The following SCNN1B variants were observed in gnomAD, a reference collection of about 807,000 sequenced individuals.
SCNN1B encodes epithelial sodium channel subunit beta.
SCNN1B carries 46 observed loss-of-function variants against 65.3 expected under a neutral mutation model. The observed-to-expected ratio is 0.70, with a 90% CI of 0.56 to 0.90. The LOEUF (loss-of-function observed/expected upper bound fraction) is 0.90, where lower values mean the gene tolerates loss of function less well. Ranked by LOEUF, SCNN1B falls within the 40% of genes least tolerant of loss-of-function variation. The pLI is 0.00. For synonymous variants in SCNN1B, 349 were observed against 330.6 expected, an observed-to-expected ratio of 1.06 and a Z score of -0.60; for missense variants, 751 against 830.5, an observed-to-expected ratio of 0.90 and a Z score of 1.18.
chr16:23,377,109 G>A (rs1962914793), intron 8 of SCNN1B, 56 bp from the exon 9 acceptor site: 1 of 1,496,392 alleles, frequency 6.7e-7, no homozygotes, highest in East Asian at 2.4e-5. Flanking sequence ...GCAGGGAACA[G>A]GGGCACCTAA....
chr16:23,320,488 G>A (rs982468745), intron 1 of SCNN1B, among the ~76,000 whole-genome samples: 1 of 152,206 alleles, frequency 6.6e-6, no homozygotes, highest in Admixed American at 6.5e-5. Context: ...AGTTCTCACT[G>A]AGGGAATTAG....
At chr16:23,370,794 C>A (rs1962765479) in intron 5 of SCNN1B, among the ~76,000 whole-genome samples, 2 of 152,108 alleles carry the variant, frequency 1.3e-5, no homozygotes, top group African/African-American at 4.8e-5. Context: ...GAATAGCACT[C>A]CAGATTGAGG....
chr16:23,286,678 G>T (rs1299037737), intron 2 of SCNN1B, among the ~76,000 whole-genome samples: 1 of 152,160 alleles, frequency 6.6e-6, no homozygotes, highest in Non-Finnish European at 1.5e-5. Flanking sequence ...ACTCTAGAAG[G>T]TAGACCATTC....
chr16:23,348,595 C>A lies in SCNN1B; in HGVS notation c.-5C>A. ...GCGTCCCCATGCCTCTCTGCAGGTG[C>A]CACTATGCACGTGAAGAAGTACCTG... is the stretch of plus-strand genomic sequence containing the variant. On this transcript the variant is annotated 5_prime_UTR_variant, in exon 2 of 13. Transcript: ENST00000343070. The surrounding 1 kb of genome is among the most constrained non-coding windows in gnomAD (Gnocchi z 4.5). 1 of 1,612,470 alleles carries A rather than the reference C, an allele frequency of 6.2e-7. No individual in the cohort carries two copies. Among genetic ancestry groups the A allele is most frequent in the Non-Finnish European group, 8.5e-7 (1 of 1,179,832 alleles).
chr16:23,330,235 T>A (rs532615780), intron 1 of SCNN1B, among the ~76,000 whole-genome samples: 1 of 152,296 alleles, frequency 6.6e-6, no homozygotes, highest in East Asian at 1.9e-4. Context: ...GGGCTGGACT[T>A]CCAGCTCTTG....
At chr16:23,312,233 G>C (rs972286419) in intron 1 of SCNN1B, among the ~76,000 whole-genome samples, 2 of 152,148 alleles carry the variant, frequency 1.3e-5, no homozygotes, top group African/African-American at 4.8e-5. Context: ...AGCTCACAAA[G>C]TGTTGGGATT....
intron 1 of SCNN1B, among the ~76,000 whole-genome samples, chr16:23,337,413 G>A (rs574747729): frequency 6.5e-5 from 9 of 138,392 alleles, no homozygotes; most frequent in East Asian, 2.1e-4. Flanking sequence ...CACTCTTGTC[G>A]TCCAGGCTGG....
intron 7 of SCNN1B, among the ~76,000 whole-genome samples, chr16:23,372,945 CA>C (rs374678974): frequency 0.19 from 27,220 of 139,932 alleles, 3,043 homozygotes; most frequent in Admixed American, 0.31. Flanking sequence ...ACTAAAAATA[CA>C]AAAAAAAAAA....
intron 1 of SCNN1B, among the ~76,000 whole-genome samples, chr16:23,322,837 G>A (rs185787545): frequency 3.3e-5 from 5 of 151,836 alleles, no homozygotes; most frequent in South Asian, 2.1e-4. Flanking sequence ...TCATTTTTAC[G>A]TGTGCAGTTC....
In SCNN1B at chr16:23,365,593, GAAAGAAAGAAAGAAAGAAAGAAAGAAA is replaced by G. The variant is rs1390069209; in HGVS notation, c.777-2252_777-2226del. Among the ~76,000 whole-genome samples the G allele has an allele frequency of 6.6e-3, 408 of 61,720 alleles. 8 individuals carry two copies. Among genetic ancestry groups the G allele is most frequent in the Middle Eastern group, 0.043 (4 of 92 alleles). The allele number at this position is 61,720 out of a possible 152,430, so 40.5% of individuals were successfully genotyped here. ...AAAGAAAGAAAGAAAGAAAGAGAAA[GAAAGAAAGAAAGAAAGAAAGAAAGAAA>G]AAAGAAAGAAGTCACATCTTGGAAG... On this transcript the variant is annotated intron_variant, in intron 4 of 12. Transcript: ENST00000343070.
At chr16:23,344,744 A>G (rs767338680) in intron 1 of SCNN1B, among the ~76,000 whole-genome samples, 1 of 152,164 alleles carries the variant, frequency 6.6e-6, no homozygotes, top group East Asian at 1.9e-4. Flanking sequence ...CTGTAGTCCA[A>G]GCACTTTGGG....
Position 23,303,866 on chromosome 16 carries a change from C to G in SCNN1B, c.-9+1429C>G, listed in dbSNP as rs574880348. On this transcript the variant is annotated intron_variant, in intron 1 of 12. Coordinates refer to ENST00000343070, the MANE Select transcript of SCNN1B (RefSeq NM_000336.3). ...CCCAGGAGGTGGAGGTTGCAGTGAG[C>G]TGAGATGGCACCATTGCACTCTAGC... is the stretch of plus-strand genomic sequence containing the variant. 256 of 615,438 alleles carry G rather than the reference C, an allele frequency of 4.2e-4. 1 individual carries two copies. Among genetic ancestry groups the G allele is most frequent in the Non-Finnish European group, 6.8e-4 (231 of 340,606 alleles). The allele number at this position is 615,438 out of a possible 1,614,324, so 38.1% of individuals were successfully genotyped here. A position where few individuals can be genotyped will look rare whatever the true frequency, so the allele number is the denominator to read the frequency against.
At position 23,305,567 on chromosome 16, in the gene SCNN1B, TATATATATATTA is replaced by T. The variant is rs1567290404; in HGVS notation, c.-9+3131_-9+3142del. On this transcript the variant is annotated intron_variant, in intron 1 of 12. Transcript: ENST00000343070. ...ATATATATATATATATATATATATA[TATATATATATTA>T]TATATATATATATATATATAACCTG... is the stretch of plus-strand genomic sequence containing the variant. 3.5e-4 allele frequency among the ~76,000 whole-genome samples: 19 copies of T among 54,366 alleles called. 1 individual carries two copies. Among genetic ancestry groups the T allele is most frequent in the East Asian group, 2.0e-3 (3 of 1,508 alleles). 35.7% of individuals were successfully genotyped at this position (54,366 alleles called of 152,430 possible). A position where few individuals can be genotyped will look rare whatever the true frequency, so the allele number is the denominator to read the frequency against.
intron 7 of SCNN1B, chr16:23,372,237 C>A: frequency 2.8e-6 from 1 of 360,958 alleles, no homozygotes. Flanking sequence ...CACATTCCAT[C>A]GTCATTTAAT....
chr16:23,299,133 C>T (rs1372548418), upstream of SCNN1B, among the ~76,000 whole-genome samples: 2 of 148,436 alleles, frequency 1.3e-5, no homozygotes, highest in African/African-American at 2.5e-5. Flanking sequence ...AATCTTGGCT[C>T]ACTGCAACCT....
intron 2 of SCNN1B, among the ~76,000 whole-genome samples, chr16:23,292,806 C>A (rs1393370431): frequency 6.6e-6 from 1 of 150,954 alleles, no homozygotes; most frequent in Non-Finnish European, 1.5e-5. Flanking sequence ...GCCCGGCCAG[C>A]AATTCTAATA....
chr16:23,373,709 G>A (rs250572), intron 7 of SCNN1B, among the ~76,000 whole-genome samples: 13,445 of 152,144 alleles, frequency 0.088, 623 homozygotes, highest in Middle Eastern at 0.13. Flanking sequence ...CCCTTTCCCC[G>A]TAGGAAATGA....
chr16:23,336,579 C>T (rs1237332428), intron 1 of SCNN1B, among the ~76,000 whole-genome samples: 2 of 151,924 alleles, frequency 1.3e-5, no homozygotes, highest in Non-Finnish European at 2.9e-5. Context: ...ACCATGTTGG[C>T]CAGGATGGTC....
chr16:23,377,680 C>G (rs935642518), intron 10 of SCNN1B, among the ~76,000 whole-genome samples: 3 of 87,716 alleles, frequency 3.4e-5, no homozygotes, highest in Non-Finnish European at 7.2e-5. Context: ...TCCTTTCTCC[C>G]TCCCTTCTCA....
Sources: gnomAD v4.1 joint callset for allele counts (sites outside exome capture counted in the v4.1 genomes callset) on GRCh38, gnomAD v4.1.1 for gene constraint, Gnocchi (gnomAD v3.1) non-coding constraint, MANE v1.5 for transcripts, NCBI Gene and HGNC (gene_info 2026-07-23, HGNC 2026-07-21) for gene names.